The following NVL variants were observed in gnomAD, a reference collection of about 807,000 sequenced individuals.
The protein encoded by NVL is nuclear valosin-containing protein-like.
NVL carries 84 observed loss-of-function variants against 110.2 expected under a neutral mutation model. That is an observed-to-expected ratio of 0.76 (90% CI 0.64 to 0.91). The LOEUF is 0.91. NVL is among the 40% of genes least tolerant of loss of function. The pLI, the probability that NVL is intolerant of heterozygous loss-of-function variation, is 0.00. For missense variants in NVL, 882 were observed against 1,035.9 expected (o/e 0.85, Z 2.04); for synonymous variants, 354 against 361.1 (o/e 0.98, Z 0.22).
intron 2 of NVL, among the ~76,000 whole-genome samples, chr1:224,319,188 T>G (rs1008151791): frequency 3.4e-5 from 5 of 148,324 alleles, no homozygotes; most frequent in Non-Finnish European, 7.4e-5. Context: ...GATATCTGCA[T>G]AGCTACAATA....
At chr1:224,329,267 T>C (rs1012518267) in intron 1 of NVL, among the ~76,000 whole-genome samples, 3 of 152,026 alleles carry the variant, frequency 2.0e-5, no homozygotes, top group Non-Finnish European at 4.4e-5. Context: ...TAATAGAGTA[T>C]GTAGATACTA....
Position 224,328,978 on chromosome 1 carries a change from C to T in NVL, c.57+1093G>A, listed in dbSNP as rs113642639. ...CCCAGCACTTTGGGAGGCTGAGGCC[C>T]GATCGCTTGAGCCCAGGAGTTAGAG... On this transcript the variant is annotated intron_variant, in intron 1 of 22. Coordinates refer to ENST00000281701, the MANE Select transcript of NVL (RefSeq NM_002533.4). Among the ~76,000 whole-genome samples the T allele has an allele frequency of 7.9e-3, 1,200 of 151,936 alleles. 19 individuals carry two copies. Among genetic ancestry groups the T allele is most frequent in the African/African-American group, 0.027 (1,114 of 41,430 alleles).
At chr1:224,290,485 C>T (rs1416347265) in intron 12 of NVL, among the ~76,000 whole-genome samples, 2 of 152,010 alleles carry the variant, frequency 1.3e-5, no homozygotes, top group East Asian at 1.9e-4. Flanking sequence ...GGCAAAATCC[C>T]GTCTCTACTA....
rs771232982 is a variant in NVL, at chr1:224,289,477, A to G, written c.1575+7T>C. 1.4e-5 allele frequency: 23 copies of G among 1,613,666 alleles called. No homozygotes were observed. Among genetic ancestry groups the G allele is most frequent in the Non-Finnish European group, 1.7e-5 (20 of 1,179,880 alleles). On this transcript the variant is annotated splice_region_variant and intron_variant, in intron 13 of 22. Transcript: ENST00000281701. ...AGGACAATTTAAGGTGCCTTTAGAG[A>G]AAGCACCTGTGTTTCAGAAGTGGGC...
At chr1:224,275,647 T>A (rs1665692480) in intron 16 of NVL, among the ~76,000 whole-genome samples, 189 bp from the exon 17 acceptor site, 1 of 152,222 alleles carries the variant, frequency 6.6e-6, no homozygotes, top group African/African-American at 2.4e-5. Flanking sequence ...TGCATATAGT[T>A]CAACTTAATA....
intron 4 of NVL, chr1:224,313,177 A>G: frequency 7.6e-6 from 2 of 263,528 alleles, no homozygotes; most frequent in Non-Finnish European, 8.0e-6. Context: ...AAAAAAAAAA[A>G]AAACAAGCAA....
chr1:224,269,754 C>CT (rs551044969), intron 17 of NVL: 8,685 of 143,966 alleles, frequency 0.06, 298 homozygotes, highest in South Asian at 0.14. Context: ...TTTCTTTTTT[C>CT]TTTTTTTTTT....
chr1:224,303,637 C>T lies in NVL; in HGVS notation c.960+86G>A, dbSNP rs1409586203. Reference sequence around the variant, plus strand: ...GTTCTCTTCCTGAAGAATGCCATGTCTGGTTTAAGTTGACCAAAGAGAAAA... The same window carrying T: ...GTTCTCTTCCTGAAGAATGCCATGTTTGGTTTAAGTTGACCAAAGAGAAAA... On this transcript the variant is annotated intron_variant, in intron 9 of 22. Coordinates refer to ENST00000281701, the MANE Select transcript of NVL (RefSeq NM_002533.4). The T allele has an allele frequency of 3.0e-5, 42 of 1,401,336 alleles. 1 individual carries two copies. In the Admixed American group the frequency reaches 9.2e-4, roughly 31 times the overall value. The allele number at this position is 1,401,336 out of a possible 1,614,324, so 86.8% of individuals were successfully genotyped here. A position where few individuals can be genotyped will look rare whatever the true frequency, so the allele number is the denominator to read the frequency against.
chr1:224,317,303 T>C (rs1251873365), intron 4 of NVL, among the ~76,000 whole-genome samples: 1 of 152,124 alleles, frequency 6.6e-6, no homozygotes, highest in East Asian at 1.9e-4. Context: ...GACAGTACTG[T>C]TGGTAATGCA....
chr1:224,299,323 A>G (rs968950418), intron 10 of NVL, among the ~76,000 whole-genome samples: 6 of 152,232 alleles, frequency 3.9e-5, no homozygotes, highest in African/African-American at 1.4e-4. Context: ...GGGAAAAAAA[A>G]GAATAAATGA....
chr1:224,318,247 T>C (rs1670286416), intron 2 of NVL, among the ~76,000 whole-genome samples: 1 of 152,298 alleles, frequency 6.6e-6, no homozygotes, highest in Middle Eastern at 3.4e-3. Context: ...AACTGCCACA[T>C]TTACTTTACT....
chr1:224,320,558 T>C (rs1395944724), intron 2 of NVL, among the ~76,000 whole-genome samples: 3 of 150,768 alleles, frequency 2.0e-5, no homozygotes, highest in African/African-American at 7.3e-5. Context: ...GAGGCAGGAG[T>C]ATCACTTGAG....
At chr1:224,320,338 T>C (rs1572066216) in intron 2 of NVL, among the ~76,000 whole-genome samples, 1 of 152,316 alleles carries the variant, frequency 6.6e-6, no homozygotes, top group East Asian at 1.9e-4. Context: ...TGTACTATTT[T>C]TTCCATTTTC....
chr1:224,286,362 C>T (rs1388673094), intron 14 of NVL, among the ~76,000 whole-genome samples: 8 of 151,984 alleles, frequency 5.3e-5, no homozygotes, highest in South Asian at 2.1e-4. Flanking sequence ...CATGCCACCA[C>T]GTCTGGCTAA....
chr1:224,239,119 A>T (rs762154123), intron 19 of NVL, among the ~76,000 whole-genome samples: 2 of 151,784 alleles, frequency 1.3e-5, no homozygotes, highest in African/African-American at 4.8e-5. Context: ...CCACTTTTTA[A>T]TTTCTTTCTT....
chr1:224,268,052 C>T lies in NVL; in HGVS notation c.2164G>A (p.Ala722Thr). The part of the protein sequence containing the change: ...LEARQQVFIM[A>T]ATNRPDIIDP... ...TTCTTACCTGGCCTGTTAGTGGCTGCCATAATAAAAACCTGCTGGCGTGCT... is the reference window on the plus strand; with the variant it reads ...TTCTTACCTGGCCTGTTAGTGGCTGTCATAATAAAAACCTGCTGGCGTGCT... The change falls in exon 18 of 23, where the codon GCA (alanine) becomes ACA (threonine). Residue 722 changes from alanine to threonine, a missense_variant. By Grantham distance (58) the Ala-to-Thr change is moderately conservative. Transcript: ENST00000281701. 1 of 1,612,802 alleles carries T rather than the reference C, an allele frequency of 6.2e-7. No individual in the cohort carries two copies. Among genetic ancestry groups the T allele is most frequent in the Non-Finnish European group, 8.5e-7 (1 of 1,179,402 alleles).
chr1:224,291,228 G>A (rs1032001029), intron 12 of NVL, among the ~76,000 whole-genome samples: 4 of 151,928 alleles, frequency 2.6e-5, no homozygotes, highest in Non-Finnish European at 4.4e-5. Context: ...TTTCTGAGAC[G>A]GAGTTTTGCT....
At chr1:224,246,497 T>C (rs544362653) in intron 19 of NVL, among the ~76,000 whole-genome samples, 22 of 152,318 alleles carry the variant, frequency 1.4e-4, no homozygotes, top group African/African-American at 5.3e-4. Context: ...GTTCCAAATC[T>C]ATAAAGCTCT....
chr1:224,279,131 C>G (rs982473067), intron 16 of NVL, among the ~76,000 whole-genome samples: 4 of 152,084 alleles, frequency 2.6e-5, no homozygotes, highest in African/African-American at 9.6e-5. Flanking sequence ...CAAAGATATA[C>G]ATATATAATA....
Sources: gnomAD v4.1 joint callset for allele counts (sites outside exome capture counted in the v4.1 genomes callset) on GRCh38, gnomAD v4.1.1 for gene constraint, MANE v1.5 for transcripts, NCBI Gene and HGNC (gene_info 2026-07-23, HGNC 2026-07-21) for gene names.